The following SESTD1 variants were observed in gnomAD, a reference collection of about 807,000 sequenced individuals.
The protein encoded by SESTD1 is SEC14 domain and spectrin repeat-containing protein 1.
In SESTD1, 43 loss-of-function variants were observed where a neutral mutation model predicts 101.7. The ratio of observed to expected loss-of-function variants is 0.42; its 90% CI spans 0.33 to 0.55. The LOEUF is 0.55. Ranked by LOEUF, SESTD1 falls within the 20% of genes least tolerant of loss-of-function variation. The probability of loss-of-function intolerance (pLI) is 0.07; values close to 1 mark genes in which losing one functional copy is unlikely to be tolerated. For missense variants in SESTD1, 647 were observed against 815.1 expected, an observed-to-expected ratio of 0.79 and a Z score of 2.51; for synonymous variants, 283 against 286.8, an observed-to-expected ratio of 0.99 and a Z score of 0.13.
rs1367135027 is a variant in SESTD1, at chr2:179,108,200, CGAGAA to C, written c.*1694_*1698del. On this transcript the variant is annotated 3_prime_UTR_variant, in exon 18 of 18. Transcript: ENST00000428443. ...AATAAAAACTCTAAGGATGAGATAC[CGAGAA>C]AAGAGCCAAAAGCATTCTGAGGACA... The C allele has an allele frequency of 1.3e-5, 2 of 151,886 alleles. No individual in the cohort carries two copies. The highest frequency in any genetic ancestry group is 2.9e-5 in the Non-Finnish European group (2 of 67,988). The allele number at this position is 151,886 out of a possible 1,614,324, so 9.4% of individuals were successfully genotyped here.
At chr2:179,241,299 T>C (rs1559158195) in intron 1 of SESTD1, among the ~76,000 whole-genome samples, 11 of 151,924 alleles carry the variant, frequency 7.2e-5, no homozygotes, top group Admixed American at 7.2e-4. Context: ...AAAAAGTACT[T>C]GAAGAAATTA....
intron 4 of SESTD1, among the ~76,000 whole-genome samples, chr2:179,172,438 C>T (rs2045943283): frequency 6.6e-6 from 1 of 152,072 alleles, no homozygotes; most frequent in Non-Finnish European, 1.5e-5. Context: ...GAAAATACTT[C>T]AAATAAAAAA....
At chr2:179,248,381 A>G (rs946469619) in intron 1 of SESTD1, among the ~76,000 whole-genome samples, 32 of 152,232 alleles carry the variant, frequency 2.1e-4, no homozygotes, top group African/African-American at 7.5e-4. Flanking sequence ...TACACCAGAT[A>G]CAGAAGAGGA....
chr2:179,182,615 G>C (rs1016645762), intron 3 of SESTD1, among the ~76,000 whole-genome samples: 3 of 151,996 alleles, frequency 2.0e-5, no homozygotes, highest in African/African-American at 7.2e-5. Context: ...GAAAATTAAA[G>C]TTAAAGGCCC....
intron 3 of SESTD1, among the ~76,000 whole-genome samples, chr2:179,180,560 G>A (rs937396225): frequency 6.6e-6 from 1 of 152,026 alleles, no homozygotes; most frequent in Admixed American, 6.6e-5. Context: ...ACATTCCTAA[G>A]GACAAAAAGA....
chr2:179,162,955 C>A, intron 5 of SESTD1, among the ~76,000 whole-genome samples: 1 of 145,766 alleles, frequency 6.9e-6, no homozygotes, highest in Non-Finnish European at 1.5e-5. Flanking sequence ...TGCGCCACTG[C>A]ACTACAGCCT....
rs530892715 is a variant in SESTD1, at chr2:179,205,977, TA to T, written c.-25-14112del. ...TTTTTCAAGTGTTTAGCACAGTCAT[TA>T]AAAAAAACAAAAATCTTTCTCTTTC... On this transcript the variant is annotated intron_variant, in intron 1 of 17. Coordinates refer to ENST00000428443, the MANE Select transcript of SESTD1 (RefSeq NM_178123.5). 3.0e-5 allele frequency among the ~76,000 whole-genome samples: 4 copies of T among 133,412 alleles called. 1 individual carries two copies. The highest frequency in any genetic ancestry group is 5.9e-5 in the African/African-American group (2 of 33,718). The allele number at this position is 133,412 out of a possible 152,430, so 87.5% of individuals were successfully genotyped here.
At chr2:179,166,367 G>T (rs1553520440) in intron 5 of SESTD1, among the ~76,000 whole-genome samples, 1 of 150,102 alleles carries the variant, frequency 6.7e-6, no homozygotes, top group Non-Finnish European at 1.5e-5. Context: ...TCTCTCCTAT[G>T]AAAAAAAAAA....
chr2:179,261,360 G>C (rs968720435), intron 1 of SESTD1, among the ~76,000 whole-genome samples: 1 of 152,056 alleles, frequency 6.6e-6, no homozygotes, highest in African/African-American at 2.4e-5. Context: ...ATTGAGTGCA[G>C]GAAGTAGAGT....
rs556927969 is a variant in SESTD1 at position 179,196,892 on chromosome 2, G to C, written c.-25-5026C>G. 5.3e-5 allele frequency among the ~76,000 whole-genome samples: 8 copies of C among 152,362 alleles called. No individual in the cohort carries two copies. The South Asian group carries it at 1.4e-3, about 28-fold the overall frequency. ...GAAGAAAAACGGGAAACTCTGAAAAGCAGAGCGCCTCTCCTCCTCCAAAGG... is the reference window on the plus strand; with the variant it reads ...GAAGAAAAACGGGAAACTCTGAAAACCAGAGCGCCTCTCCTCCTCCAAAGG... On this transcript the variant is annotated intron_variant, in intron 1 of 17. Coordinates refer to ENST00000428443, the MANE Select transcript of SESTD1 (RefSeq NM_178123.5).
intron 5 of SESTD1, among the ~76,000 whole-genome samples, chr2:179,159,180 C>T (rs992938930): frequency 1.3e-5 from 2 of 152,180 alleles, no homozygotes; most frequent in African/African-American, 4.8e-5. Flanking sequence ...GGGTCAGGAT[C>T]AGCATGTGTA....
intron 1 of SESTD1, among the ~76,000 whole-genome samples, chr2:179,259,126 TC>T (rs2047443162): frequency 6.6e-6 from 1 of 152,212 alleles, no homozygotes; most frequent in South Asian, 2.1e-4. Context: ...CACCTTTGTT[TC>T]TTTATCTATT....
chr2:179,228,180 C>T (rs2046919262), intron 1 of SESTD1, among the ~76,000 whole-genome samples: 1 of 152,102 alleles, frequency 6.6e-6, no homozygotes, highest in South Asian at 2.1e-4. Flanking sequence ...TACCAGGCGG[C>T]CTCTATAACA....
chr2:179,245,352 T>C (rs112835043), intron 1 of SESTD1, among the ~76,000 whole-genome samples: 8,460 of 151,422 alleles, frequency 0.056, 303 homozygotes, highest in South Asian at 0.092. Flanking sequence ...CCTGTCTCTA[T>C]TGAAAATACA....
intron 5 of SESTD1, among the ~76,000 whole-genome samples, chr2:179,151,895 A>C (rs2045538634): frequency 6.6e-6 from 1 of 152,154 alleles, no homozygotes; most frequent in African/African-American, 2.4e-5. Context: ...GCCAATATTT[A>C]ATTTTTAGTA....
At chr2:179,149,051 C>T (rs185415505) in intron 7 of SESTD1, among the ~76,000 whole-genome samples, 1,003 of 98,238 alleles carry the variant, frequency 0.01, 7 homozygotes, top group African/African-American at 0.04. Context: ...CAGAGCAAGA[C>T]TCCGTCTCAA....
intron 1 of SESTD1, among the ~76,000 whole-genome samples, chr2:179,251,101 T>C (rs889372755): frequency 2.0e-5 from 3 of 152,120 alleles, no homozygotes; most frequent in Non-Finnish European, 4.4e-5. Context: ...AAAGGAACTA[T>C]GGAAACAGAG....
At chr2:179,217,441 C>T (rs147414739) in intron 1 of SESTD1, among the ~76,000 whole-genome samples, 6,263 of 152,232 alleles carry the variant, frequency 0.041, 157 homozygotes, top group Middle Eastern at 0.099. Flanking sequence ...TACCATCTCA[C>T]GCCAGTTAGA....
chr2:179,148,711 A>C (rs1028210880), intron 7 of SESTD1, among the ~76,000 whole-genome samples: 5 of 152,222 alleles, frequency 3.3e-5, no homozygotes, highest in African/African-American at 9.6e-5. Flanking sequence ...TTCTTTTGAA[A>C]ACACGTTCTT....
Sources: allele counts gnomAD v4.1 joint callset (sites outside exome capture counted in the v4.1 genomes callset), GRCh38; gene constraint gnomAD v4.1.1; transcripts MANE v1.5; gene names NCBI Gene and HGNC (gene_info 2026-07-23, HGNC 2026-07-21).